CA10: variants seen among roughly 807,000 people sequenced by gnomAD.
The protein encoded by CA10 is carbonic anhydrase 10 (inactive).
In CA10, 14 loss-of-function variants were observed where a neutral mutation model predicts 44.2. That is an observed-to-expected ratio of 0.32 (90% CI 0.21 to 0.50). CA10 has a LOEUF of 0.50. Among genes scored for constraint, CA10 ranks in the 20% least tolerant of loss-of-function variants. The pLI is 0.99. For missense variants in CA10, 350 were observed against 409.7 expected (o/e 0.85, Z 1.26); for synonymous variants, 159 against 141.6 (o/e 1.12, Z -0.87).
intron 3 of CA10, among the ~76,000 whole-genome samples, chr17:51,907,586 T>C (rs907828384): frequency 6.6e-6 from 1 of 152,122 alleles, no homozygotes; most frequent in African/African-American, 2.4e-5. Context: ...TCAGTGGCCA[T>C]CTCTTTCCCA....
At position 51,750,280 on chromosome 17, in the gene CA10, T is replaced by C. The variant is rs373919995; in HGVS notation, c.280-2462A>G. On this transcript the variant is annotated intron_variant, in intron 3 of 8. Coordinates refer to ENST00000451037, the MANE Select transcript of CA10 (RefSeq NM_020178.5). Reference sequence around the variant, plus strand: ...TATATAATTTTCACACTCATACTTATAGACCCATAATTTAATGAGATTTTA... The same window carrying C: ...TATATAATTTTCACACTCATACTTACAGACCCATAATTTAATGAGATTTTA... Among the ~76,000 whole-genome samples, 10 of 152,272 alleles carry C rather than the reference T, an allele frequency of 6.6e-5. No homozygotes were observed. The East Asian group carries it at 7.7e-4, about 12-fold the overall frequency.
intron 3 of CA10, among the ~76,000 whole-genome samples, chr17:51,817,027 C>T (rs950613282): frequency 2.6e-5 from 4 of 152,128 alleles, no homozygotes; most frequent in Non-Finnish European, 4.4e-5. Context: ...AGCCATTAGC[C>T]CATCCTGACT....
chr17:51,821,069 C>T (rs1466511475), intron 3 of CA10, among the ~76,000 whole-genome samples: 1 of 113,342 alleles, frequency 8.8e-6, no homozygotes, highest in Non-Finnish European at 1.8e-5. Context: ...CCCTCTCTCC[C>T]TTCCTTCCTC....
chr17:52,137,521 G>A (rs1989385722), intron 1 of CA10, among the ~76,000 whole-genome samples: 2 of 152,132 alleles, frequency 1.3e-5, no homozygotes, highest in South Asian at 4.1e-4. Flanking sequence ...TTGATATGAA[G>A]AGACAACTGA....
At chr17:51,692,181 T>C (rs190304154) in intron 4 of CA10, among the ~76,000 whole-genome samples, 269 of 152,000 alleles carry the variant, frequency 1.8e-3, no homozygotes, top group African/African-American at 6.2e-3. Context: ...TTTCTTAGTG[T>C]TTTATAGGTT....
At chr17:51,954,758 T>C (rs1983604627) in intron 2 of CA10, among the ~76,000 whole-genome samples, 1 of 152,214 alleles carries the variant, frequency 6.6e-6, no homozygotes, top group African/African-American at 2.4e-5. Context: ...TACAATACTG[T>C]GCAACAGTGA....
At chr17:51,648,797 G>A (rs1913440998) in intron 6 of CA10, among the ~76,000 whole-genome samples, 1 of 152,120 alleles carries the variant, frequency 6.6e-6, no homozygotes. Context: ...GAGGGCTTCT[G>A]TAAATGTTGC....
chr17:51,782,437 A>G (rs1906100806), intron 3 of CA10, among the ~76,000 whole-genome samples: 1 of 152,098 alleles, frequency 6.6e-6, no homozygotes, highest in Admixed American at 6.6e-5. Context: ...TGGAGAAAAC[A>G]TTTTCTCCAT....
chr17:51,786,455 A>C (rs569575568), intron 3 of CA10, among the ~76,000 whole-genome samples: 2 of 152,282 alleles, frequency 1.3e-5, no homozygotes, highest in Non-Finnish European at 2.9e-5. Flanking sequence ...GGGAGGCTGA[A>C]GTACAAGAAT....
intron 1 of CA10, among the ~76,000 whole-genome samples, chr17:52,083,008 A>T (rs1353589012): frequency 6.6e-6 from 1 of 152,196 alleles, no homozygotes; most frequent in Non-Finnish European, 1.5e-5. Flanking sequence ...GTACAAGTCC[A>T]TGCCTAGGTT....
chr17:52,119,296 T>C (rs990776800), intron 1 of CA10, among the ~76,000 whole-genome samples: 2 of 148,806 alleles, frequency 1.3e-5, no homozygotes, highest in African/African-American at 4.9e-5. Context: ...GAATCCATTT[T>C]CTTTTGCAAC....
At chr17:51,687,055 C>T (rs1915033547) in intron 4 of CA10, among the ~76,000 whole-genome samples, 1 of 152,204 alleles carries the variant, frequency 6.6e-6, no homozygotes, top group African/African-American at 2.4e-5. Context: ...TTAAAAACCT[C>T]CAGTGGCTTC....
chr17:51,691,899 G>A (rs956289275), intron 4 of CA10, among the ~76,000 whole-genome samples: 1 of 152,080 alleles, frequency 6.6e-6, no homozygotes, highest in Non-Finnish European at 1.5e-5. Context: ...ACTTTCAGAT[G>A]TTGCTGAGAA....
intron 3 of CA10, among the ~76,000 whole-genome samples, chr17:51,822,559 A>G (rs948335322): frequency 1.3e-5 from 2 of 152,210 alleles, no homozygotes; most frequent in African/African-American, 4.8e-5. Flanking sequence ...ACATATATAA[A>G]TTGTTTAGGT....
chr17:51,650,692 G>A (rs1567789184), intron 5 of CA10, among the ~76,000 whole-genome samples: 3 of 152,336 alleles, frequency 2.0e-5, no homozygotes. Flanking sequence ...CCCCATGAAA[G>A]AAAGATGGCT....
intron 2 of CA10, among the ~76,000 whole-genome samples, chr17:52,038,669 A>C (rs1159210814): frequency 6.6e-6 from 1 of 152,152 alleles, no homozygotes; most frequent in Non-Finnish European, 1.5e-5. Flanking sequence ...AATTGTGATG[A>C]GAAGCAAGTA....
chr17:52,054,690 T>A (rs549023463), intron 2 of CA10, among the ~76,000 whole-genome samples: 1 of 152,152 alleles, frequency 6.6e-6, no homozygotes, highest in Non-Finnish European at 1.5e-5. Context: ...TTTTGTACTC[T>A]TTCCCTTATT....
chr17:51,945,468 G>C (rs1421587717), intron 2 of CA10, among the ~76,000 whole-genome samples: 2 of 152,084 alleles, frequency 1.3e-5, no homozygotes, highest in Non-Finnish European at 2.9e-5. Flanking sequence ...ACACGGACTC[G>C]TTCTGGGGTA....
chr17:51,766,440 G>C (rs1328032868), intron 3 of CA10, among the ~76,000 whole-genome samples: 4 of 152,128 alleles, frequency 2.6e-5, no homozygotes, highest in Non-Finnish European at 5.9e-5. Context: ...CCAGTGGAGT[G>C]GACAGGCAAC....
Sources: allele counts gnomAD v4.1 joint callset (sites outside exome capture counted in the v4.1 genomes callset), GRCh38; gene constraint gnomAD v4.1.1; transcripts MANE v1.5; gene names NCBI Gene and HGNC (gene_info 2026-07-23, HGNC 2026-07-21).